The following CLIC5 variants were observed in gnomAD, a reference collection of about 807,000 sequenced individuals.
CLIC5 encodes the protein CLIC family member 5.
CLIC5 carries 20 observed loss-of-function variants against 24.7 expected under a neutral mutation model. The ratio of observed to expected loss-of-function variants is 0.81; its 90% CI spans 0.57 to 1.18. The LOEUF (loss-of-function observed/expected upper bound fraction) is 1.18, where lower values mean the gene tolerates loss of function less well. CLIC5 is among the 50% of genes most tolerant of loss of function. The pLI is 0.00. For missense variants in CLIC5, 341 were observed against 326.1 expected (o/e 1.05, Z -0.35); for synonymous variants, 159 against 135.6 (o/e 1.17, Z -1.20).
Position 45,899,075 on chromosome 6 carries a change from G to A in CLIC5, c.*4013C>T, listed in dbSNP as rs1398133515. 6.6e-6 allele frequency: 1 copy of A among 152,176 alleles called. No homozygotes were observed. Among genetic ancestry groups the A allele is most frequent in the African/African-American group, 2.4e-5 (1 of 41,426 alleles). The allele number at this position is 152,176 out of a possible 1,614,324, so 9.4% of individuals were successfully genotyped here. A position where few individuals can be genotyped will look rare whatever the true frequency, so the allele number is the denominator to read the frequency against. On this transcript the variant is annotated 3_prime_UTR_variant, in exon 6 of 6. Coordinates refer to ENST00000339561, the MANE Select transcript of CLIC5 (RefSeq NM_016929.5). ...ATCGAAAGTATCCTGACACTAAGCT[G>A]GGAGATGCATACTGACAAAGGGGAA...
At chr6:45,897,952 A>G (rs1273152490), downstream of CLIC5, among the ~76,000 whole-genome samples, 1 of 151,210 alleles carries the variant, frequency 6.6e-6, no homozygotes, top group Admixed American at 6.6e-5. Flanking sequence ...GTATTATGAA[A>G]GAATGTTTAT....
chr6:45,964,956 A>G (rs1032419069), intron 1 of CLIC5, among the ~76,000 whole-genome samples: 3 of 152,214 alleles, frequency 2.0e-5, no homozygotes, highest in Admixed American at 6.5e-5. Context: ...ATACATTTAC[A>G]GCTACTGTCT....
intron 6 of CLIC5, among the ~76,000 whole-genome samples, chr6:45,891,688 T>C (rs1762349164): frequency 6.6e-6 from 1 of 151,166 alleles, no homozygotes; most frequent in African/African-American, 2.4e-5. Flanking sequence ...TAAGTGTGTA[T>C]ATGTGCATGG....
chr6:46,073,133 C>A (rs188753700), intron 1 of CLIC5, among the ~76,000 whole-genome samples: 1 of 152,130 alleles, frequency 6.6e-6, no homozygotes, highest in African/African-American at 2.4e-5. Flanking sequence ...ATTCACAAAG[C>A]AAACCAGTTC....
intron 6 of CLIC5, among the ~76,000 whole-genome samples, chr6:45,889,996 C>G (rs1304301270): frequency 1.3e-5 from 2 of 152,116 alleles, no homozygotes; most frequent in African/African-American, 2.4e-5. Flanking sequence ...GGAAAGCTCT[C>G]CAAGACACAT....
chr6:45,981,601 G>C (rs1467991526), intron 1 of CLIC5, among the ~76,000 whole-genome samples: 1 of 152,200 alleles, frequency 6.6e-6, no homozygotes, highest in African/African-American at 2.4e-5. Flanking sequence ...CCACCTCTGT[G>C]GGGGCCAGGC....
the CLIC5 span, among the ~76,000 whole-genome samples, chr6:46,125,082 T>C: frequency 2.0e-5 from 3 of 152,186 alleles, no homozygotes; most frequent in Non-Finnish European, 4.4e-5. Context: ...ACTAGGTATA[T>C]ACCCAAAGGA....
intron 4 of CLIC5, among the ~76,000 whole-genome samples, chr6:45,917,078 G>T (rs770022253): frequency 6.6e-6 from 1 of 152,116 alleles, no homozygotes; most frequent in African/African-American, 2.4e-5. Flanking sequence ...CCTTCCAAGC[G>T]CTTGGATCTG....
At chr6:46,078,220 C>A (rs1468096369) in intron 1 of CLIC5, among the ~76,000 whole-genome samples, 2 of 152,002 alleles carry the variant, frequency 1.3e-5, no homozygotes, top group African/African-American at 4.8e-5. Flanking sequence ...ATTAGCCAGA[C>A]CAGGTGGCAC....
At chr6:46,018,901 A>G (rs1004507883), upstream of CLIC5, 2 of 152,208 alleles carry the variant, frequency 1.3e-5, no homozygotes, top group Non-Finnish European at 2.9e-5. Flanking sequence ...CATTTTTAAT[A>G]TATTTAGATT....
the CLIC5 span, among the ~76,000 whole-genome samples, chr6:46,118,126 CT>C: frequency 2.0e-5 from 3 of 152,334 alleles, no homozygotes; most frequent in East Asian, 5.8e-4. Flanking sequence ...AGGGATGTCT[CT>C]CTTCTTCTTA....
the CLIC5 span, among the ~76,000 whole-genome samples, chr6:46,093,293 T>C: frequency 1.3e-5 from 2 of 152,220 alleles, no homozygotes; most frequent in Admixed American, 1.3e-4. Context: ...ACATCTTATT[T>C]ACCTTTATAT....
intron 1 of CLIC5, among the ~76,000 whole-genome samples, chr6:46,069,676 A>T (rs1163245372): frequency 6.6e-6 from 1 of 152,094 alleles, no homozygotes; most frequent in African/African-American, 2.4e-5. Flanking sequence ...TCCTACTAAA[A>T]CTTCCAAAAA....
At chr6:45,947,113 A>AATGATGACGAAGTCAG (rs1395223076) in intron 3 of CLIC5, among the ~76,000 whole-genome samples, 1 of 152,176 alleles carries the variant, frequency 6.6e-6, no homozygotes, top group Non-Finnish European at 1.5e-5. Context: ...AATCTGATGA[A>AATGATGACGAAGTCAG]ATGATGACGA....
chr6:46,029,115 G>A (rs1049883069), intron 1 of CLIC5, among the ~76,000 whole-genome samples: 9 of 151,986 alleles, frequency 5.9e-5, no homozygotes, highest in African/African-American at 1.9e-4. Flanking sequence ...ATACATTTAC[G>A]GTTCTTCCAT....
At chr6:46,063,525 A>G (rs1020119461) in intron 1 of CLIC5, among the ~76,000 whole-genome samples, 4 of 152,220 alleles carry the variant, frequency 2.6e-5, no homozygotes, top group African/African-American at 9.6e-5. Flanking sequence ...TCTAAATACC[A>G]GAGGAGATGC....
chr6:46,006,000 T>TTTATA (rs1554160600), intron 1 of CLIC5, among the ~76,000 whole-genome samples: 4 of 106,166 alleles, frequency 3.8e-5, no homozygotes, highest in Admixed American at 3.0e-4. Flanking sequence ...ATATATATAT[T>TTTATA]TATATATATA....
chr6:46,019,482 C>A (rs952129929), upstream of CLIC5, among the ~76,000 whole-genome samples: 2 of 151,026 alleles, frequency 1.3e-5, no homozygotes, highest in African/African-American at 2.4e-5. Context: ...GTCAGGAGAT[C>A]GAGACCATCC....
At chr6:46,081,420 T>A, upstream of CLIC5, among the ~76,000 whole-genome samples, 1 of 152,208 alleles carries the variant, frequency 6.6e-6, no homozygotes, top group East Asian at 1.9e-4. Flanking sequence ...TTGATGGGCA[T>A]CTTGGCAAAA....
Sources: allele counts gnomAD v4.1 joint callset (sites outside exome capture counted in the v4.1 genomes callset), GRCh38; gene constraint gnomAD v4.1.1; transcripts MANE v1.5; gene names NCBI Gene and HGNC (gene_info 2026-07-23, HGNC 2026-07-21).